The following MAST4 variants were observed in gnomAD, a reference collection of about 807,000 sequenced individuals.
MAST4 encodes microtubule associated serine/threonine kinase family member 4.
A neutral mutation model predicts 162.7 loss-of-function variants in MAST4; 89 were observed. The observed-to-expected ratio is 0.55, with a 90% confidence interval of 0.46 to 0.65. MAST4 has a LOEUF of 0.65. Among genes scored for constraint, MAST4 ranks in the 30% least tolerant of loss-of-function variants. The probability of loss-of-function intolerance (pLI) is 0.00; values close to 1 mark genes in which losing one functional copy is unlikely to be tolerated. For synonymous variants in MAST4, 1,479 were observed against 1,361.1 expected, an observed-to-expected ratio of 1.09 and a Z score of -1.91; for missense variants, 3,153 against 3,374.0, an observed-to-expected ratio of 0.93 and a Z score of 1.62.
chr5:66,738,627 G>A (rs1032045893), intron 1 of MAST4, among the ~76,000 whole-genome samples: 2 of 152,186 alleles, frequency 1.3e-5, no homozygotes, highest in Non-Finnish European at 2.9e-5. Context: ...TATAGCAGGA[G>A]CAGGTGAAGA....
At chr5:66,637,822 C>T (rs1243027328) in intron 1 of MAST4, among the ~76,000 whole-genome samples, 1 of 151,962 alleles carries the variant, frequency 6.6e-6, no homozygotes, top group Non-Finnish European at 1.5e-5. Flanking sequence ...CTGAACCTCC[C>T]ACCTCAGCTT....
At chr5:66,853,907 A>G (rs1300531201) in intron 3 of MAST4, among the ~76,000 whole-genome samples, 1 of 152,176 alleles carries the variant, frequency 6.6e-6, no homozygotes, top group East Asian at 1.9e-4. Context: ...TATATATTTA[A>G]TAAATTACTT....
intron 1 of MAST4, among the ~76,000 whole-genome samples, chr5:66,737,874 C>A (rs1004107466): frequency 1.3e-5 from 2 of 152,106 alleles, no homozygotes; most frequent in Non-Finnish European, 2.9e-5. Context: ...AAAGAAAAAA[C>A]CAAAAAGTCC....
intron 3 of MAST4, among the ~76,000 whole-genome samples, chr5:66,832,891 A>G (rs1757711689): frequency 6.6e-6 from 1 of 152,218 alleles, no homozygotes; most frequent in Non-Finnish European, 1.5e-5. Flanking sequence ...GACAGGAAGT[A>G]TCCAGATGGC....
chr5:66,695,566 A>G (rs1749346170), intron 1 of MAST4, among the ~76,000 whole-genome samples: 1 of 152,152 alleles, frequency 6.6e-6, no homozygotes, highest in African/African-American at 2.4e-5. Context: ...TGTCAATCGT[A>G]GTTTAATGTG....
At chr5:66,769,656 T>C (rs1754273726) in intron 2 of MAST4, among the ~76,000 whole-genome samples, 2 of 152,184 alleles carry the variant, frequency 1.3e-5, no homozygotes, top group South Asian at 2.1e-4. Context: ...GTATCTGACA[T>C]ACCTAACGTA....
chr5:66,730,952 T>C (rs1217522080), intron 1 of MAST4, among the ~76,000 whole-genome samples: 1 of 152,180 alleles, frequency 6.6e-6, no homozygotes, highest in Non-Finnish European at 1.5e-5. Flanking sequence ...CTTTTAAAGT[T>C]GTCTAGATAT....
At chr5:66,599,748 G>A (rs1742432506) in intron 1 of MAST4, among the ~76,000 whole-genome samples, 1 of 152,078 alleles carries the variant, frequency 6.6e-6, no homozygotes, top group Non-Finnish European at 1.5e-5. Context: ...CTGGGAAACA[G>A]TTTTTATTTG....
chr5:67,159,063 C>T (rs796795696), intron 26 of MAST4, among the ~76,000 whole-genome samples: 2 of 152,166 alleles, frequency 1.3e-5, no homozygotes, highest in East Asian at 1.9e-4. Flanking sequence ...AGAACAATAG[C>T]AGTAAGGAAA....
At position 66,959,167 on chromosome 5, in the gene MAST4, G is replaced by A. The variant is rs1745684448; in HGVS notation, c.674+59185G>A. 7 of 776,740 alleles carry A rather than the reference G, an allele frequency of 9.0e-6. No individual in the cohort carries two copies. The East Asian group carries it at 1.7e-4, about 19-fold the overall frequency. 48.1% of individuals were successfully genotyped at this position (776,740 alleles called of 1,614,324 possible). A position where few individuals can be genotyped will look rare whatever the true frequency, so the allele number is the denominator to read the frequency against. The stretch of plus-strand genomic sequence containing the variant: ...TAGTCCAGTCCTTTAGAGAGGTTCG[G>A]TTTGGCTCTCTGTCATCACCGGGAC... On this transcript the variant is annotated intron_variant, in intron 4 of 28. Transcript: ENST00000403625.
At chr5:66,843,037 A>G (rs1181336444) in intron 3 of MAST4, among the ~76,000 whole-genome samples, 2 of 152,188 alleles carry the variant, frequency 1.3e-5, no homozygotes, top group Non-Finnish European at 2.9e-5. Flanking sequence ...GTGTCTGTAT[A>G]TATACATTTA....
chr5:66,953,726 G>T (rs1441844330), intron 4 of MAST4, among the ~76,000 whole-genome samples: 1 of 152,144 alleles, frequency 6.6e-6, no homozygotes, highest in African/African-American at 2.4e-5. Context: ...AGTCAGTGAT[G>T]CCGAGGGTCC....
At chr5:66,667,251 A>G (rs1580146250) in intron 1 of MAST4, among the ~76,000 whole-genome samples, 1 of 152,200 alleles carries the variant, frequency 6.6e-6, no homozygotes, top group African/African-American at 2.4e-5. Flanking sequence ...TGTACAAAGG[A>G]ATGATACAAG....
intron 3 of MAST4, among the ~76,000 whole-genome samples, chr5:66,854,413 G>C (rs185342751): frequency 3.4e-4 from 52 of 152,290 alleles, no homozygotes; most frequent in African/African-American, 1.2e-3. Flanking sequence ...CAGGAATCCA[G>C]ATGCAGCTTA....
intron 2 of MAST4, among the ~76,000 whole-genome samples, chr5:66,765,783 G>C (rs1754067045): frequency 6.6e-6 from 1 of 151,832 alleles, no homozygotes; most frequent in Non-Finnish European, 1.5e-5. Context: ...TGAAATGTTT[G>C]CATTTTCCTC....
At position 67,166,463 on chromosome 5, in the gene MAST4, G is replaced by T; in HGVS notation, c.7284G>T (p.Pro2428=). The T allele has an allele frequency of 1.2e-6, 2 of 1,601,906 alleles. No homozygotes were observed. Among genetic ancestry groups the T allele is most frequent in the South Asian group, 1.1e-5 (1 of 89,176 alleles). ...AAGGGCCCGGTCCCCAGAAGCCACC[G>T]ACGGAGGCAGACAAGCCCAATGGCA... is the stretch of plus-strand genomic sequence containing the variant. ...RGKGPGPQKP[P]TEADKPNGMK... Residue 2428 remains proline, a synonymous_variant, in exon 29 of 29, where the codon CCG becomes CCT. Coordinates refer to ENST00000403625, the MANE Select transcript of MAST4 (RefSeq NM_001164664.2).
intron 3 of MAST4, among the ~76,000 whole-genome samples, chr5:66,868,695 G>A (rs1401523324): frequency 1.3e-5 from 2 of 152,052 alleles, no homozygotes; most frequent in East Asian, 3.9e-4. Flanking sequence ...TGGAATTTCT[G>A]TGTAAATACA....
chr5:67,013,678 C>T (rs1454048250), intron 4 of MAST4, among the ~76,000 whole-genome samples: 1 of 151,348 alleles, frequency 6.6e-6, no homozygotes. Context: ...CACTTATGCC[C>T]CTTTCACATT....
chr5:66,822,932 T>G (rs1476499500), intron 3 of MAST4, among the ~76,000 whole-genome samples: 1 of 152,154 alleles, frequency 6.6e-6, no homozygotes, highest in African/African-American at 2.4e-5. Flanking sequence ...ATGGTTTGGC[T>G]TGGTGTCCCC....
Sources: gnomAD v4.1 joint callset for allele counts (sites outside exome capture counted in the v4.1 genomes callset) on GRCh38, gnomAD v4.1.1 for gene constraint, MANE v1.5 for transcripts, NCBI Gene and HGNC (gene_info 2026-07-23, HGNC 2026-07-21) for gene names.